Variants in C4orf51 observed in about 807,000 individuals in gnomAD.
C4orf51 encodes chromosome 4 open reading frame 51, also known as uncharacterized protein C4orf51.
Under a neutral mutation model 25.2 loss-of-function variants are expected in C4orf51, and 25 were observed. The ratio of observed to expected loss-of-function variants is 0.99; its 90% CI spans 0.72 to 1.39. The LOEUF is 1.39. Among genes scored for constraint, C4orf51 ranks in the 40% most tolerant of loss-of-function variants. The probability of loss-of-function intolerance (pLI) is 0.00; values close to 1 mark genes in which losing one functional copy is unlikely to be tolerated. For missense variants in C4orf51, 252 were observed against 239.6 expected, an observed-to-expected ratio of 1.05 and a Z score of -0.34; for synonymous variants, 100 against 84.5, an observed-to-expected ratio of 1.18 and a Z score of -1.01.
intron 1 of C4orf51, among the ~76,000 whole-genome samples, chr4:145,744,584 G>A (rs1474873400): frequency 2.0e-5 from 3 of 152,078 alleles, no homozygotes; most frequent in African/African-American, 7.2e-5. Flanking sequence ...CACTTTGGGA[G>A]GCCAAGGCGG....
At chr4:145,744,813 A>C (rs1006197677) in intron 1 of C4orf51, among the ~76,000 whole-genome samples, 33 of 151,572 alleles carry the variant, frequency 2.2e-4, no homozygotes, top group African/African-American at 7.5e-4. Context: ...AGATAGCGCC[A>C]CTGTACTCCA....
chr4:145,769,032 A>G (rs894230489), intron 1 of C4orf51, among the ~76,000 whole-genome samples: 6 of 150,228 alleles, frequency 4.0e-5, no homozygotes, highest in Non-Finnish European at 5.9e-5. Context: ...TAGAGTGACC[A>G]TATTTTTAAA....
In C4orf51 at chr4:145,765,203, C is replaced by T; in HGVS notation, n.167-5785C>T. 6.4e-7 allele frequency: 1 copy of T among 1,550,698 alleles called. No homozygotes were observed. Among genetic ancestry groups the T allele is most frequent in the South Asian group, 1.2e-5 (1 of 80,188 alleles). ...AAGCTGGGTATAGAGGTGCACAGGG[C>T]AGCGGGGAGAGGAGGGCAGGAGTGG... On this transcript the variant is annotated intron_variant and non_coding_transcript_variant, in intron 1 of 1. Transcript: ENST00000510096. The surrounding 1 kb of genome is among the most constrained non-coding windows in gnomAD (Gnocchi z 4.7).
intron 1 of C4orf51, among the ~76,000 whole-genome samples, chr4:145,689,872 A>G (rs185766203): frequency 6.6e-6 from 1 of 152,298 alleles, no homozygotes; most frequent in Admixed American, 6.5e-5. Context: ...TTAACTCAAG[A>G]TGGATTAAAG....
At chr4:145,687,562 C>T (rs1455495247) in intron 1 of C4orf51, among the ~76,000 whole-genome samples, 1 of 152,184 alleles carries the variant, frequency 6.6e-6, no homozygotes, top group African/African-American at 2.4e-5. Context: ...CTTCAATTGA[C>T]CTCATTGTTG....
the C4orf51 span, among the ~76,000 whole-genome samples, chr4:145,776,962 CT>C: frequency 6.6e-6 from 1 of 152,160 alleles, no homozygotes; most frequent in African/African-American, 2.4e-5. Flanking sequence ...GCAGGCTTTG[CT>C]TTCATCACAC....
intron 2 of C4orf51, among the ~76,000 whole-genome samples, chr4:145,720,527 T>C (rs977022828): frequency 6.6e-6 from 1 of 152,216 alleles, no homozygotes; most frequent in African/African-American, 2.4e-5. Flanking sequence ...TGTTGCTAGC[T>C]GAGGTGCTGC....
intron 1 of C4orf51, among the ~76,000 whole-genome samples, chr4:145,694,284 T>A: frequency 7.8e-6 from 1 of 127,854 alleles, no homozygotes; most frequent in Non-Finnish European, 1.7e-5. Flanking sequence ...CTTTCCAGAC[T>A]GGGCAGCCAG....
At chr4:145,707,589 G>C (rs1469816897) in intron 2 of C4orf51, among the ~76,000 whole-genome samples, 2 of 152,148 alleles carry the variant, frequency 1.3e-5, no homozygotes, top group Non-Finnish European at 2.9e-5. Context: ...TGAATTCAGA[G>C]GTCAGGTAAA....
At chr4:145,708,854 T>A (rs1578966810) in intron 2 of C4orf51, among the ~76,000 whole-genome samples, 1 of 152,216 alleles carries the variant, frequency 6.6e-6, no homozygotes, top group East Asian at 1.9e-4. Flanking sequence ...AAAATCATTA[T>A]CTTTTCTCAG....
chr4:145,727,949 TATA>T (rs1191377839), intron 3 of C4orf51, among the ~76,000 whole-genome samples: 2 of 121,904 alleles, frequency 1.6e-5, no homozygotes, highest in East Asian at 2.4e-4. Context: ...ATACATTATA[TATA>T]ATAATATAAT....
the C4orf51 span, among the ~76,000 whole-genome samples, chr4:145,777,521 T>A: frequency 6.6e-6 from 1 of 152,228 alleles, no homozygotes; most frequent in Non-Finnish European, 1.5e-5. Context: ...TCAATTTTAG[T>A]CATTCTGTTT....
At chr4:145,724,040 G>C (rs574222270) in intron 2 of C4orf51, among the ~76,000 whole-genome samples, 2 of 152,298 alleles carry the variant, frequency 1.3e-5, no homozygotes, top group Admixed American at 6.5e-5. Flanking sequence ...TAATGCTATG[G>C]TCTAGCACAA....
At chr4:145,717,514 C>CTATCAACAT (rs1208196747) in intron 2 of C4orf51, among the ~76,000 whole-genome samples, 1 of 152,148 alleles carries the variant, frequency 6.6e-6, no homozygotes, top group Non-Finnish European at 1.5e-5. Context: ...AAATTTTGGA[C>CTATCAACAT]TATCAACATT....
chr4:145,702,456 G>A (rs1269905787), intron 2 of C4orf51, among the ~76,000 whole-genome samples: 19 of 151,288 alleles, frequency 1.3e-4, no homozygotes, highest in African/African-American at 2.2e-4. Context: ...ACTGCCGCAA[G>A]GCTTCACAGA....
intron 4 of C4orf51, 24 bp downstream of exon 4, chr4:145,729,253 C>G: frequency 1.5e-6 from 2 of 1,327,576 alleles, no homozygotes; most frequent in Non-Finnish European, 2.1e-6. Context: ...TGAACTACTA[C>G]TTTACATCCA....
At chr4:145,757,787 T>C (rs1359820023), downstream of C4orf51, 1 of 151,142 alleles carries the variant, frequency 6.6e-6, no homozygotes, top group Non-Finnish European at 1.5e-5. Flanking sequence ...ACAATACAAA[T>C]TTTCAGTAAT....
intron 3 of C4orf51, among the ~76,000 whole-genome samples, chr4:145,727,982 TTA>T (rs1732187282): frequency 7.6e-6 from 1 of 132,212 alleles, no homozygotes; most frequent in Non-Finnish European, 1.6e-5. Flanking sequence ...AATATATACA[TTA>T]TATATAATAT....
At chr4:145,777,332 C>A in the C4orf51 span, among the ~76,000 whole-genome samples, 1 of 152,192 alleles carries the variant, frequency 6.6e-6, no homozygotes, top group Non-Finnish European at 1.5e-5. Flanking sequence ...CTTTTTAAAT[C>A]TTTTTCTATC....
Sources: allele counts gnomAD v4.1 joint callset (sites outside exome capture counted in the v4.1 genomes callset), GRCh38; gene constraint gnomAD v4.1.1; non-coding constraint Gnocchi (gnomAD v3.1); transcripts MANE v1.5; gene names NCBI Gene and HGNC (gene_info 2026-07-23, HGNC 2026-07-21).